The following ASH1L variants were observed in gnomAD, a reference collection of about 807,000 sequenced individuals.
ASH1L encodes histone-lysine N-methyltransferase ASH1L.
ASH1L carries 23 observed loss-of-function variants against 269.0 expected under a neutral mutation model. That is an observed-to-expected ratio of 0.09 (90% CI 0.06 to 0.12). The LOEUF (loss-of-function observed/expected upper bound fraction) is 0.12. ASH1L is among the 10% of genes least tolerant of loss of function. The probability of loss-of-function intolerance (pLI) is 1.00; values close to 1 mark genes in which losing one functional copy is unlikely to be tolerated. For synonymous variants in ASH1L, 1,187 were observed against 1,253.5 expected (o/e 0.95, Z 1.12); for missense variants, 2,912 against 3,567.8 (o/e 0.82, Z 4.68).
chr1:155,489,812 A>AAATAAAT (rs1032834410), intron 2 of ASH1L, among the ~76,000 whole-genome samples: 2 of 149,102 alleles, frequency 1.3e-5, no homozygotes, highest in African/African-American at 4.9e-5. Context: ...ATAAATAAAT[A>AAATAAAT]AATAAATAAA....
chr1:155,419,061 A>T (rs974254404), intron 5 of ASH1L, among the ~76,000 whole-genome samples: 3 of 151,602 alleles, frequency 2.0e-5, no homozygotes, highest in Non-Finnish European at 4.4e-5. Context: ...TAAATAAATA[A>T]ATTAATTAAT....
intron 6 of ASH1L, among the ~76,000 whole-genome samples, chr1:155,410,366 C>A (rs183409983): frequency 3.9e-5 from 6 of 151,974 alleles, no homozygotes; most frequent in African/African-American, 7.3e-5. Context: ...TGCAATGGTG[C>A]GATCTCGGCT....
At chr1:155,542,278 G>A (rs181199844) in intron 1 of ASH1L, among the ~76,000 whole-genome samples, 2 of 152,234 alleles carry the variant, frequency 1.3e-5, no homozygotes, top group East Asian at 3.9e-4. Context: ...GGCCACGCAC[G>A]GTGGCTTACG....
intron 6 of ASH1L, chr1:155,396,082 A>C (rs1658317303): frequency 6.6e-6 from 1 of 152,016 alleles, no homozygotes; most frequent in Non-Finnish European, 1.5e-5. Context: ...TCACTATATT[A>C]TTCTATATTA....
intron 2 of ASH1L, among the ~76,000 whole-genome samples, chr1:155,485,893 T>G (rs1399160239): frequency 6.6e-6 from 1 of 152,082 alleles, no homozygotes; most frequent in Non-Finnish European, 1.5e-5. Context: ...AACTCTAGTA[T>G]CTTCACTTTG....
intron 8 of ASH1L, among the ~76,000 whole-genome samples, chr1:155,379,836 T>TA (rs1348835610): frequency 6.6e-6 from 1 of 152,212 alleles, no homozygotes; most frequent in African/African-American, 2.4e-5. Flanking sequence ...AGCAGGAACT[T>TA]ACTGCTATTT....
chr1:155,420,555 T>C (rs1660589419), intron 5 of ASH1L, among the ~76,000 whole-genome samples: 1 of 149,562 alleles, frequency 6.7e-6, no homozygotes, highest in African/African-American at 2.5e-5. Context: ...AAACAATGAA[T>C]TTAAAAAAAA....
intron 1 of ASH1L, among the ~76,000 whole-genome samples, chr1:155,526,150 C>T (rs1231786845): frequency 6.6e-6 from 1 of 152,154 alleles, no homozygotes; most frequent in East Asian, 1.9e-4. Context: ...TTCTGGCTTG[C>T]TCACCACTGT....
At position 155,378,376 on chromosome 1, in the gene ASH1L, A is replaced by G. The variant is rs1405164468; in HGVS notation, c.6237T>C (p.Asp2079=). 22 of 1,614,018 alleles carry G rather than the reference A, an allele frequency of 1.4e-5. No individual in the cohort carries two copies. Among genetic ancestry groups the G allele is most frequent in the Non-Finnish European group, 1.9e-5 (22 of 1,179,964 alleles). ...CTTCGTAACCAGAAAGGGGTTTGAC[A>G]TCAACGTAGACATCTTGAAAAGAAA... The part of the protein sequence containing the change: ...YKKIRSNVYV[D]VKPLSGYEAT... Residue 2079 remains aspartate, a synonymous_variant, in exon 10 of 28, where the codon GAT becomes GAC. Coordinates refer to ENST00000392403, the MANE Select transcript of ASH1L (RefSeq NM_018489.3).
intron 2 of ASH1L, among the ~76,000 whole-genome samples, chr1:155,501,372 T>C (rs1487746057): frequency 6.6e-6 from 1 of 152,036 alleles, no homozygotes; most frequent in Non-Finnish European, 1.5e-5. Context: ...TACTTTCAGA[T>C]GTTCCTAATT....
At chr1:155,380,003 C>T in intron 8 of ASH1L, 40 bp downstream of exon 8, 2 of 1,450,120 alleles carry the variant, frequency 1.4e-6, no homozygotes, top group African/African-American at 2.8e-5. Flanking sequence ...TCCCCCTTTA[C>T]CACTTAAGAA....
At chr1:155,538,253 G>C (rs191084400) in intron 1 of ASH1L, among the ~76,000 whole-genome samples, 11 of 152,176 alleles carry the variant, frequency 7.2e-5, no homozygotes, top group Admixed American at 7.2e-4. Context: ...ATTTTGGCCA[G>C]GTTGGTCTTG....
intron 7 of ASH1L, among the ~76,000 whole-genome samples, chr1:155,390,641 C>A (rs924100901): frequency 7.2e-5 from 10 of 138,082 alleles, no homozygotes; most frequent in African/African-American, 1.3e-4. Context: ...CTCCCCCCCC[C>A]CCCTTTTTTC....
chr1:155,433,551 T>C lies in ASH1L; in HGVS notation c.5828+4776A>G, dbSNP rs750340293. The C allele has an allele frequency of 7.5e-6, 12 of 1,610,580 alleles. No homozygotes were observed. In the African/African-American group the frequency reaches 1.1e-4, roughly 14 times the overall value. Reference sequence around the variant, plus strand: ...ACCGTCCCCCCTGGTGCCGTGAAACTGGAGAAGGAGAAGCTGGAGCAAAAC... The same window carrying C: ...ACCGTCCCCCCTGGTGCCGTGAAACCGGAGAAGGAGAAGCTGGAGCAAAAC... On this transcript the variant is annotated intron_variant, in intron 5 of 27. Transcript: ENST00000392403.
chr1:155,489,938 T>C (rs1666646426), intron 2 of ASH1L, among the ~76,000 whole-genome samples: 1 of 152,040 alleles, frequency 6.6e-6, no homozygotes, highest in African/African-American at 2.4e-5. Context: ...GAAGGGCATA[T>C]GCATTAGTTA....
At position 155,371,598 on chromosome 1, in the gene ASH1L, T is replaced by C. The variant is rs551841923; in HGVS notation, c.6333-615A>G. On this transcript the variant is annotated intron_variant, in intron 10 of 27. Transcript: ENST00000392403. ...TAAATAACTGTGATCCAAAGAAGAA[T>C]CAGTAATTTGATGATGATTTCACTG... is the stretch of plus-strand genomic sequence containing the variant. Among the ~76,000 whole-genome samples the C allele has an allele frequency of 3.3e-5, 5 of 151,776 alleles. No individual in the cohort carries two copies. The East Asian group carries it at 9.7e-4, about 29-fold the overall frequency.
chr1:155,357,549 A>G, intron 14 of ASH1L, 36 bp downstream of exon 14: 1 of 1,612,462 alleles, frequency 6.2e-7, no homozygotes, highest in Non-Finnish European at 8.5e-7. Flanking sequence ...CATCTCATGA[A>G]CAGCTTTTGG....
Position 155,343,471 on chromosome 1 carries a change from G to A in ASH1L, c.8136C>T (p.Ala2712=). 2 of 1,614,056 alleles carry A rather than the reference G, an allele frequency of 1.2e-6. No individual in the cohort carries two copies. Among genetic ancestry groups the A allele is most frequent in the Non-Finnish European group, 1.7e-6 (2 of 1,179,968 alleles). ...GGGGACGGAAATAATGGTGACCAAA[G>A]GCAAACCGTTCCTCTCTAAAACAAT... is the stretch of plus-strand genomic sequence containing the variant. The part of the protein sequence containing the change: ...LWKNEKEERF[A]FGHHYFRPHE... Residue 2712 remains alanine (A), a synonymous_variant, in exon 24 of 28, where the codon GCC becomes GCT. Transcript: ENST00000392403. The surrounding 1 kb of genome is among the most constrained non-coding windows in gnomAD (Gnocchi z 6.1).
At chr1:155,496,580 A>G (rs953174837) in intron 2 of ASH1L, among the ~76,000 whole-genome samples, 7 of 152,134 alleles carry the variant, frequency 4.6e-5, no homozygotes, top group Non-Finnish European at 7.4e-5. Flanking sequence ...TTGAAATGCT[A>G]CACTTCCCAT....
Sources: gnomAD v4.1 joint callset for allele counts (sites outside exome capture counted in the v4.1 genomes callset) on GRCh38, gnomAD v4.1.1 for gene constraint, Gnocchi (gnomAD v3.1) non-coding constraint, MANE v1.5 for transcripts, NCBI Gene and HGNC (gene_info 2026-07-23, HGNC 2026-07-21) for gene names.